Variants in TBL1Y observed in about 807,000 individuals in gnomAD.
TBL1Y encodes the protein F-box-like/WD repeat-containing protein TBL1Y.
TBL1Y carries 15 observed loss-of-function variants against 12.0 expected under a neutral mutation model. The observed-to-expected ratio is 1.25, with a 90% CI of 0.83 to 1.92. TBL1Y has a LOEUF of 1.92. Among genes scored for constraint, TBL1Y ranks in the 40% most tolerant of loss-of-function variants. The pLI is 0.00. For synonymous variants in TBL1Y, 53 were observed against 42.6 expected (o/e 1.24, Z -0.95); for missense variants, 148 against 116.7 (o/e 1.27, Z -1.24).
At chrY:6,922,187 C>T (rs2011783911) in intron 2 of TBL1Y, among the ~76,000 whole-genome samples, 1 of 33,798 alleles carries the variant, frequency 3.0e-5, no homozygotes, top group East Asian at 7.9e-4. Flanking sequence ...TGCAGACCTT[C>T]ATGGTGAGTG....
At chrY:7,019,201 T>C in intron 4 of TBL1Y, among the ~76,000 whole-genome samples, 1 of 34,206 alleles carries the variant, frequency 2.9e-5, no homozygotes, top group Admixed American at 2.7e-4. Flanking sequence ...GGCTGTTTTT[T>C]AATAATGTTT....
At chrY:7,080,051 G>GTTTT (rs1466829965) in intron 13 of TBL1Y, among the ~76,000 whole-genome samples, 1 of 3,896 alleles carries the variant, frequency 2.6e-4, no homozygotes. Flanking sequence ...GGGACTGTTT[G>GTTTT]TTTTTTTTTT....
intron 3 of TBL1Y, among the ~76,000 whole-genome samples, chrY:6,981,286 T>C: frequency 1.2e-4 from 4 of 33,338 alleles, no homozygotes; most frequent in Non-Finnish European, 2.9e-4. Flanking sequence ...ACATTAACAC[T>C]AGAAGTCAGA....
At chrY:7,085,177 CACACACACACACACACACAG>C (rs2013119924) in intron 14 of TBL1Y, among the ~76,000 whole-genome samples, 5 of 29,483 alleles carry the variant, frequency 1.7e-4, no homozygotes. Context: ...CACACACACA[CACACACACACACACACACAG>C]ACACACACAC....
chrY:6,916,465 A>T, intron 2 of TBL1Y, among the ~76,000 whole-genome samples: 1 of 26,132 alleles, frequency 3.8e-5, no homozygotes, highest in Non-Finnish European at 8.7e-5. Flanking sequence ...AAAAGCCTCT[A>T]ATCCCAGCAA....
chrY:7,039,254 C>T, intron 6 of TBL1Y, among the ~76,000 whole-genome samples: 3 of 33,526 alleles, frequency 8.9e-5, no homozygotes, highest in African/African-American at 3.5e-4. Context: ...ATTACCTAGT[C>T]CTTGGGCATT....
At chrY:7,024,907 A>G in intron 5 of TBL1Y, 128 bp from the exon 6 acceptor site, 1 of 110,860 alleles carries the variant, frequency 9.0e-6, no homozygotes. Context: ...TACAAAATAT[A>G]ACGCATCATA....
intron 2 of TBL1Y, among the ~76,000 whole-genome samples, chrY:6,974,534 G>A (rs1038837387): frequency 2.9e-5 from 1 of 34,569 alleles, no homozygotes; most frequent in Non-Finnish European, 7.2e-5. Context: ...GCATTTTGCG[G>A]ATGTCTCTGT....
intron 3 of TBL1Y, among the ~76,000 whole-genome samples, chrY:6,989,719 G>C: frequency 2.9e-5 from 1 of 33,934 alleles, no homozygotes; most frequent in Admixed American, 2.7e-4. Context: ...GCAGTGCCAA[G>C]GGCAGGACAG....
chrY:6,921,969 T>G, intron 2 of TBL1Y, among the ~76,000 whole-genome samples: 3 of 33,835 alleles, frequency 8.9e-5, no homozygotes, highest in Admixed American at 5.4e-4. Flanking sequence ...CGGTGACTGT[T>G]ACAGTTCTTA....
At position 7,074,550 on chromosome Y, in the gene TBL1Y, C is replaced by T. The variant is rs777842875; in HGVS notation, c.895-10C>T. ...TAATTACTAACTTTTCCTTTGTTTG[C>T]GGAGCACAGACAACAATAATTTGGG... On this transcript the variant is annotated splice_polypyrimidine_tract_variant and intron_variant, in intron 12 of 18. Coordinates refer to ENST00000383032, the MANE Select transcript of TBL1Y (RefSeq NM_033284.2). 2.5e-6 allele frequency: 1 copy of T among 396,224 alleles called. No individual in the cohort carries two copies. Among genetic ancestry groups the T allele is most frequent in the Non-Finnish European group, 3.5e-6 (1 of 282,474 alleles).
At chrY:7,062,223 A>C in intron 7 of TBL1Y, among the ~76,000 whole-genome samples, 1 of 33,038 alleles carries the variant, frequency 3.0e-5, no homozygotes, top group Non-Finnish European at 7.5e-5. Context: ...TTTCATTTTG[A>C]GGTGCCAGAT....
chrY:6,915,490 T>C, intron 2 of TBL1Y, among the ~76,000 whole-genome samples: 1 of 33,504 alleles, frequency 3.0e-5, no homozygotes, highest in Non-Finnish European at 7.4e-5. Context: ...GAAATTTTAT[T>C]TGTCAGTGAG....
chrY:7,070,697 G>C, intron 9 of TBL1Y, 23 bp from the exon 10 acceptor site: 1 of 396,281 alleles, frequency 2.5e-6, no homozygotes, highest in Non-Finnish European at 3.5e-6. Flanking sequence ...AATACCGGAG[G>C]CTTCTGTGTT....
At chrY:7,043,367 A>G in intron 7 of TBL1Y, among the ~76,000 whole-genome samples, 1 of 30,639 alleles carries the variant, frequency 3.3e-5, no homozygotes, top group Non-Finnish European at 7.7e-5. Context: ...AGAAAAATTT[A>G]AAGATTAGCT....
chrY:7,058,486 A>G, intron 7 of TBL1Y, among the ~76,000 whole-genome samples: 1 of 33,005 alleles, frequency 3.0e-5, no homozygotes. Context: ...GAATCCTGGA[A>G]AAGAGCTACT....
chrY:6,980,007 G>A, intron 3 of TBL1Y, among the ~76,000 whole-genome samples: 1 of 33,332 alleles, frequency 3.0e-5, no homozygotes, highest in South Asian at 6.9e-4. Context: ...TGAGAACTCT[G>A]TCACAAGATA....
At chrY:6,919,285 G>A (rs2011760400) in intron 2 of TBL1Y, 1 of 33,084 alleles carries the variant, frequency 3.0e-5, no homozygotes, top group African/African-American at 1.2e-4. Context: ...GTTTTGATGT[G>A]TGTATAGATG....
In TBL1Y at chrY:7,085,961, A is replaced by T; in HGVS notation, c.1141A>T (p.Met381Leu). 1 of 398,075 alleles carries T rather than the reference A, an allele frequency of 2.5e-6. No homozygotes were observed. Among genetic ancestry groups the T allele is most frequent in the Non-Finnish European group, 3.5e-6 (1 of 283,255 alleles). ...GMLLASCSDD[M>L]TLKIWSMKQD... Reference sequence around the variant, plus strand: ...GTTGCTGGCGTCCTGCTCGGATGACATGACATTGAAGGTAGAGTCAGCATG... The same window carrying T: ...GTTGCTGGCGTCCTGCTCGGATGACTTGACATTGAAGGTAGAGTCAGCATG... Residue 381 changes from methionine to leucine, a missense_variant, in exon 15 of 19, where the codon ATG becomes TTG. Transcript: ENST00000383032.
Sources: allele counts gnomAD v4.1 joint callset (sites outside exome capture counted in the v4.1 genomes callset), GRCh38; gene constraint gnomAD v4.1.1; transcripts MANE v1.5; gene names NCBI Gene and HGNC (gene_info 2026-07-23, HGNC 2026-07-21).